BOD1L1: variants seen among roughly 807,000 people sequenced by gnomAD.
BOD1L1 encodes biorientation of chromosomes in cell division 1 like 1.
A neutral mutation model predicts 240.7 loss-of-function variants in BOD1L1; 86 were observed. The observed-to-expected ratio is 0.36, with a 90% CI of 0.30 to 0.43. The LOEUF is 0.43. Among genes scored for constraint, BOD1L1 ranks in the 20% least tolerant of loss-of-function variants. BOD1L1 has a pLI of 1.00. For synonymous variants in BOD1L1, 1,268 were observed against 1,272.3 expected, an observed-to-expected ratio of 1.00 and a Z score of 0.07; for missense variants, 3,554 against 3,643.5, an observed-to-expected ratio of 0.98 and a Z score of 0.63.
At chr4:13,617,343 A>G (rs893344100) in intron 2 of BOD1L1, among the ~76,000 whole-genome samples, 24 of 152,122 alleles carry the variant, frequency 1.6e-4, no homozygotes, top group African/African-American at 5.5e-4. Context: ...CTGTTTGCCT[A>G]TGTTCCAGCC....
chr4:13,582,852 G>T (rs889060640), intron 17 of BOD1L1, 116 bp from the exon 18 acceptor site: 18 of 654,722 alleles, frequency 2.7e-5, no homozygotes, highest in Non-Finnish European at 4.4e-5. Flanking sequence ...TCTTTTTAAG[G>T]ATAGTTTTTG....
chr4:13,576,698 G>T, intron 25 of BOD1L1, 140 bp downstream of exon 25: 1 of 1,155,438 alleles, frequency 8.7e-7, no homozygotes, highest in Non-Finnish European at 1.2e-6. Context: ...TGTGCCCACT[G>T]CTAACAATAA....
rs753907025 is a variant in BOD1L1 at position 13,601,456 on chromosome 4, C to T, written c.5444G>A (p.Gly1815Asp). 1.2e-6 allele frequency: 2 copies of T among 1,614,016 alleles called. No individual in the cohort carries two copies. The highest frequency in any genetic ancestry group is 4.5e-5 in the East Asian group (2 of 44,882). ...TTCCGATTCAGAACTTATAGCAAAG[C>T]CTTCGCTGCTATCTTCTGAACCTGT... ...SCTGSEDSSE[G>D]FAISSESEEN... Residue 1815 changes from glycine to aspartate, a missense_variant, in exon 10 of 26, where the codon GGC (glycine) becomes GAC (aspartate). Gly to Asp is a moderately conservative substitution (Grantham distance 94). Coordinates refer to ENST00000040738, the MANE Select transcript of BOD1L1 (RefSeq NM_148894.3).
intron 25 of BOD1L1, 70 bp from the exon 26 acceptor site, chr4:13,570,198 TA>T: frequency 7.9e-6 from 9 of 1,138,518 alleles, no homozygotes; most frequent in Non-Finnish European, 1.1e-5. Context: ...GGGAGTTCCT[TA>T]AAAAACAGAA....
At chr4:13,595,714 A>C (rs764512215) in intron 12 of BOD1L1, 146 bp downstream of exon 12, 1 of 567,480 alleles carries the variant, frequency 1.8e-6, no homozygotes, top group Non-Finnish European at 3.1e-6. Flanking sequence ...AATAGTAAAG[A>C]ATTCTCCCTA....
In BOD1L1 at chr4:13,603,455, T is replaced by G. The variant is rs750878251; in HGVS notation, c.3445A>C (p.Ile1149Leu). 1 of 1,613,922 alleles carries G rather than the reference T, an allele frequency of 6.2e-7. No homozygotes were observed. The highest frequency in any genetic ancestry group is 8.5e-7 in the Non-Finnish European group (1 of 1,179,860). ...TTTTGTTTCATATTTTCAGAGTCAA[T>G]GTCTTGCTGAGAATTATTATTGCGG... ...DNRNNNSQQD[I>L]DSENMKQKTS... Residue 1149 changes from isoleucine (I) to leucine (L), a missense_variant, in exon 10 of 26, where the codon ATT becomes CTT. Physicochemically the swap from Ile to Leu is conservative, Grantham distance 5 (BLOSUM62 2). Transcript: ENST00000040738.
In BOD1L1 at chr4:13,600,986, G is replaced by C. The variant is rs771068526; in HGVS notation, c.5914C>G (p.Pro1972Ala). ...VSGKDEVTPV[P>A]GGCEGPMTSA... ...GTCATAGGACCCTCACAACCTCCTG[G>C]AACTGGTGTCACTTCATCCTTTCCT... is the stretch of plus-strand genomic sequence containing the variant. Residue 1972 changes from proline (P) to alanine (A), a missense_variant, in exon 10 of 26, where the codon CCA becomes GCA. Pro to Ala is a conservative substitution (Grantham distance 27). This residue lies in a region of BOD1L1 where 3,393 missense variants were observed against 3,427.1 expected (regional missense o/e 0.99). Transcript: ENST00000040738. 1.2e-6 allele frequency: 2 copies of C among 1,613,622 alleles called. No homozygotes were observed. Among genetic ancestry groups the C allele is most frequent in the Non-Finnish European group, 1.7e-6 (2 of 1,179,818 alleles).
intron 25 of BOD1L1, among the ~76,000 whole-genome samples, chr4:13,572,225 G>A (rs183560841): frequency 8.1e-4 from 123 of 152,284 alleles, no homozygotes; most frequent in African/African-American, 2.8e-3. Flanking sequence ...CTGGTGGTGA[G>A]GACACTCCTC....
In BOD1L1 at chr4:13,600,337, G is replaced by A. The variant is rs775274078; in HGVS notation, c.6563C>T (p.Ala2188Val). Residue 2188 changes from alanine to valine, a missense_variant, in exon 10 of 26, where the codon GCC becomes GTC. By Grantham distance (64) the Ala-to-Val change is moderately conservative. Transcript: ENST00000040738. Reference protein sequence around the residue: ...RATGPVLISTADFEGPMPSAP... With the variant: ...RATGPVLISTVDFEGPMPSAP... ...ACTGGGCATAGGCCCCTCAAAGTCG[G>A]CGGTGCTTATCAAGACTGGACCTGT... The A allele has an allele frequency of 2.5e-6, 4 of 1,613,880 alleles. No homozygotes were observed. Among genetic ancestry groups the A allele is most frequent in the Admixed American group, 1.7e-5 (1 of 60,004 alleles).
In BOD1L1 at chr4:13,600,771, A is replaced by G. The variant is rs146931282; in HGVS notation, c.6129T>C (p.Cys2043=). ...DIITSVENEE[C]DGLMATTASG... Reference sequence around the variant, plus strand: ...TGGCTGTAGTTGCCATGAGACCATCACACTCTTCATTTTCTACAGAGGTGA... The same window carrying G: ...TGGCTGTAGTTGCCATGAGACCATCGCACTCTTCATTTTCTACAGAGGTGA... The change falls in exon 10 of 26, where the codon TGT becomes TGC. Residue 2043 remains cysteine (C), a synonymous_variant. Coordinates refer to ENST00000040738, the MANE Select transcript of BOD1L1 (RefSeq NM_148894.3). The G allele has an allele frequency of 8.7e-6, 14 of 1,613,810 alleles. No homozygotes were observed. In the African/African-American group the frequency reaches 1.9e-4, roughly 22 times the overall value.
At chr4:13,571,461 T>C (rs1375808954) in intron 25 of BOD1L1, among the ~76,000 whole-genome samples, 3 of 152,224 alleles carry the variant, frequency 2.0e-5, no homozygotes, top group African/African-American at 7.2e-5. Context: ...TGATAATCCA[T>C]TTCAAACTGT....
Position 13,619,991 on chromosome 4 carries a change from T to G in BOD1L1, c.320A>C (p.His107Pro). The part of the protein sequence containing the change: ...NHLATHTWSP[H>P]LNKNQLRNNI... ...GTTTCTTAGCTGGTTCTTATTGAGA[T>G]GCGGACTCCATGTGTGAGTTGCCAA... The change falls in exon 2 of 26, where the codon CAT becomes CCT. Residue 107 changes from histidine to proline, a missense_variant. This residue lies in a region of BOD1L1 where 161 missense variants were observed against 216.4 expected (regional missense o/e 0.74). Transcript: ENST00000040738. The G allele has an allele frequency of 6.2e-7, 1 of 1,612,870 alleles. No homozygotes were observed. The highest frequency in any genetic ancestry group is 8.5e-7 in the Non-Finnish European group (1 of 1,179,338).
In BOD1L1 at chr4:13,616,410, AAT is replaced by A. The variant is rs371607168; in HGVS notation, c.369-910_369-909del. Among the ~76,000 whole-genome samples the A allele has an allele frequency of 7.8e-4, 119 of 152,358 alleles. 1 individual carries two copies. The highest frequency in any genetic ancestry group is 2.8e-3 in the African/African-American group (116 of 41,590). ...GAAGAAAGACACATGGAGTTAAGGA[AAT>A]ATCATATACAAGAGACAAAAGAGCG... On this transcript the variant is annotated intron_variant, in intron 2 of 25. Coordinates refer to ENST00000040738, the MANE Select transcript of BOD1L1 (RefSeq NM_148894.3).
chr4:13,581,325 C>A, intron 19 of BOD1L1, 118 bp from the exon 20 acceptor site: 1 of 679,420 alleles, frequency 1.5e-6, no homozygotes, highest in Non-Finnish European at 2.4e-6. Context: ...CAAATCCTAG[C>A]TTTGTCACTT....
intron 12 of BOD1L1, chr4:13,593,299 G>T (rs964757413): frequency 6.6e-6 from 1 of 151,988 alleles, no homozygotes; most frequent in African/African-American, 2.4e-5. Context: ...ATGAAAGTTC[G>T]TTGCAGCCCT....
rs770318103 is a variant in BOD1L1, at chr4:13,614,453, T to A, written c.917A>T (p.Asp306Val). The A allele has an allele frequency of 6.2e-7, 1 of 1,612,250 alleles. No individual in the cohort carries two copies. The highest frequency in any genetic ancestry group is 1.1e-5 in the South Asian group (1 of 90,834). Residue 306 changes from aspartate (D) to valine (V), a missense_variant, in exon 4 of 26, where the codon GAT becomes GTT. By Grantham distance (152) the Asp-to-Val change is radical (BLOSUM62 -3). Transcript: ENST00000040738. ...EHNNLILLNK[D>V]VQQESSEQKN... ...TTGCTCACTGCTTTCCTGTTGAACA[T>A]CCTTATTTAGCAGAATTAAATTATT...
chr4:13,603,147 C>T lies in BOD1L1; in HGVS notation c.3753G>A (p.Arg1251=), dbSNP rs1186111384. The T allele has an allele frequency of 6.2e-7, 1 of 1,613,956 alleles. No individual in the cohort carries two copies. Among genetic ancestry groups the T allele is most frequent in the Non-Finnish European group, 8.5e-7 (1 of 1,179,886 alleles). ...CTGTGTTTTTCAAATTCTTCTGTACCCTATCATTTTCTGATGGGGCACTCA... is the reference window on the plus strand; with the variant it reads ...CTGTGTTTTTCAAATTCTTCTGTACTCTATCATTTTCTGATGGGGCACTCA... The part of the protein sequence containing the change: ...MLLSAPSEND[R]VQKNLKNTAA... The change falls in exon 10 of 26, where the codon AGG becomes AGA. Residue 1251 remains arginine, a synonymous_variant. Coordinates refer to ENST00000040738, the MANE Select transcript of BOD1L1 (RefSeq NM_148894.3).
chr4:13,599,749 CA>C lies in BOD1L1; in HGVS notation c.7150del (p.Cys2384ValfsTer19). The C allele has an allele frequency of 6.2e-7, 1 of 1,613,994 alleles. No homozygotes were observed. The highest frequency in any genetic ancestry group is 8.5e-7 in the Non-Finnish European group (1 of 1,179,890). The stretch of plus-strand genomic sequence containing the variant: ...TCCCCTGACTGGCCCAGGACACCGA[CA>C]GTTATTCTCAGCAATTAGGCTGGGC... ...PMPSLIAENNCRCPGPVRGGK... is the reference protein window; with the variant it reads ...PMPSLIAENNXRCPGPVRGGK... On this transcript the variant is annotated frameshift_variant, in exon 10 of 26. Coordinates refer to ENST00000040738, the MANE Select transcript of BOD1L1 (RefSeq NM_148894.3). LOFTEE classifies it high-confidence loss of function.
Position 13,600,813 on chromosome 4 carries a change from T to C in BOD1L1, c.6087A>G (p.Lys2029=). The stretch of plus-strand genomic sequence containing the variant: ...CAGAGGTGATGATGTCCTCATCTTC[T>C]TTTTCACTTGGTGATGTGTGAGCAA... ...CEVAHTSPSE[K]EDEDIITSVE... Residue 2029 remains lysine, a synonymous_variant, in exon 10 of 26, where the codon AAA becomes AAG. Transcript: ENST00000040738. 6.2e-7 allele frequency: 1 copy of C among 1,613,888 alleles called. No individual in the cohort carries two copies. Among genetic ancestry groups the C allele is most frequent in the East Asian group, 2.2e-5 (1 of 44,882 alleles).
Sources: gnomAD v4.1 joint callset for allele counts (sites outside exome capture counted in the v4.1 genomes callset) on GRCh38, gnomAD v4.1.1 for gene constraint, gnomAD v4.1.1 regional missense constraint, MANE v1.5 for transcripts, NCBI Gene and HGNC (gene_info 2026-07-23, HGNC 2026-07-21) for gene names.